Variants in MCTP2 observed in about 807,000 individuals in gnomAD.
MCTP2 encodes multiple C2 and transmembrane domain containing 2.
Under a neutral mutation model 111.6 loss-of-function variants are expected in MCTP2, and 132 were observed. The ratio of observed to expected loss-of-function variants is 1.18; its 90% CI spans 1.03 to 1.37. The LOEUF is 1.37. Ranked by LOEUF, MCTP2 falls within the 40% of genes most tolerant of loss-of-function variation. The pLI is 0.00. For synonymous variants in MCTP2, 395 were observed against 387.7 expected, an observed-to-expected ratio of 1.02 and a Z score of -0.22; for missense variants, 1,183 against 1,067.9, an observed-to-expected ratio of 1.11 and a Z score of -1.50.
At chr15:94,379,175 T>C (rs182438392) in intron 12 of MCTP2, among the ~76,000 whole-genome samples, 1 of 152,118 alleles carries the variant, frequency 6.6e-6, no homozygotes, top group Admixed American at 6.5e-5. Context: ...TGAGCCCTGT[T>C]ACTCTGTGTG....
chr15:94,326,987 T>G (rs1379807608), intron 4 of MCTP2, among the ~76,000 whole-genome samples: 1 of 134,862 alleles, frequency 7.4e-6, no homozygotes, highest in Non-Finnish European at 1.6e-5. Flanking sequence ...AGATATTTGC[T>G]TCTCTGCATA....
chr15:94,406,481 T>C (rs8027043), intron 17 of MCTP2, among the ~76,000 whole-genome samples: 23,771 of 152,188 alleles, frequency 0.16, 2,031 homozygotes, highest in Non-Finnish European at 0.17. Flanking sequence ...TATTTAGATA[T>C]TATGTGTGGG....
chr15:94,263,604 C>T (rs1372972816), intron 1 of MCTP2, among the ~76,000 whole-genome samples: 1 of 152,190 alleles, frequency 6.6e-6, no homozygotes, highest in Non-Finnish European at 1.5e-5. Flanking sequence ...GACAACACTA[C>T]AGCTTTATGC....
intron 19 of MCTP2, among the ~76,000 whole-genome samples, chr15:94,448,313 T>C (rs188371825): frequency 6.6e-6 from 1 of 152,320 alleles, no homozygotes; most frequent in Non-Finnish European, 1.5e-5. Flanking sequence ...TTCTGATTTC[T>C]ATTCTAAGGA....
chr15:94,401,945 A>G lies in MCTP2; in HGVS notation c.2011A>G (p.Ile671Val), dbSNP rs777505645. The G allele has an allele frequency of 6.2e-7, 1 of 1,612,888 alleles. No individual in the cohort carries two copies. Among genetic ancestry groups the G allele is most frequent in the South Asian group, 1.1e-5 (1 of 91,012 alleles). The part of the protein sequence containing the change: ...VDRVKRITMA[I>V]WNTMQFLKSC... The stretch of plus-strand genomic sequence containing the variant: ...CCGTGTGAAAAGAATCACTATGGCA[A>G]TATGGAATACAATGCAGTTCCTTAA... The change falls in exon 17 of 23, where the codon ATA becomes GTA. Residue 671 changes from isoleucine (I) to valine (V), a missense_variant. By Grantham distance (29) the Ile-to-Val change is conservative (BLOSUM62 3). Transcript: ENST00000357742.
intron 17 of MCTP2, among the ~76,000 whole-genome samples, chr15:94,433,529 T>C (rs770796435): frequency 2.6e-5 from 4 of 152,204 alleles, no homozygotes; most frequent in Non-Finnish European, 4.4e-5. Context: ...TTGTTGACAT[T>C]TGGGCCATTT....
rs571310563 is a variant in MCTP2, at chr15:94,235,770, C to T, written c.-66+4106C>T. On this transcript the variant is annotated intron_variant, in intron 1 of 22. Coordinates refer to ENST00000357742, the MANE Select transcript of MCTP2 (RefSeq NM_001385001.1). The stretch of plus-strand genomic sequence containing the variant: ...TCACACAGCTGGAAAGTGGTTCAGC[C>T]GGGATTCAAGCACAGGCTGTCTGGT... Among the ~76,000 whole-genome samples the T allele has an allele frequency of 9.2e-5, 14 of 152,288 alleles. No homozygotes were observed. The South Asian group carries it at 1.2e-3, about 14-fold the overall frequency.
At chr15:94,390,090 G>GTATATA (rs1168909587) in intron 14 of MCTP2, among the ~76,000 whole-genome samples, 6 of 64,924 alleles carry the variant, frequency 9.2e-5, no homozygotes, top group African/African-American at 1.7e-4. Flanking sequence ...ATATATATAT[G>GTATATA]TATATATATA....
chr15:94,377,364 C>A (rs2079835096), intron 12 of MCTP2, among the ~76,000 whole-genome samples: 1 of 152,182 alleles, frequency 6.6e-6, no homozygotes, highest in East Asian at 1.9e-4. Flanking sequence ...TCAAGACCAA[C>A]TTTTGAAAAA....
At chr15:94,431,994 A>C (rs2083209500) in intron 17 of MCTP2, among the ~76,000 whole-genome samples, 1 of 152,124 alleles carries the variant, frequency 6.6e-6, no homozygotes, top group Non-Finnish European at 1.5e-5. Context: ...TTTAAAAGAG[A>C]TTTAGAATCT....
intron 4 of MCTP2, among the ~76,000 whole-genome samples, chr15:94,320,723 T>A (rs2076596162): frequency 6.6e-6 from 1 of 152,190 alleles, no homozygotes; most frequent in South Asian, 2.1e-4. Flanking sequence ...AAAGGATTTA[T>A]ATGATTTCAG....
At chr15:94,238,806 A>G (rs569142169) in intron 1 of MCTP2, among the ~76,000 whole-genome samples, 2 of 152,288 alleles carry the variant, frequency 1.3e-5, no homozygotes, top group African/African-American at 2.4e-5. Flanking sequence ...AAATCAGTGG[A>G]TGGATGCTTT....
At chr15:94,302,243 A>G (rs1026406738) in intron 2 of MCTP2, among the ~76,000 whole-genome samples, 1 of 151,966 alleles carries the variant, frequency 6.6e-6, no homozygotes, top group African/African-American at 2.4e-5. Flanking sequence ...CTTGAAGAGA[A>G]CTCCTTTTGA....
At chr15:94,321,589 T>G (rs1222010727) in intron 4 of MCTP2, among the ~76,000 whole-genome samples, 2 of 152,218 alleles carry the variant, frequency 1.3e-5, no homozygotes, top group African/African-American at 4.8e-5. Flanking sequence ...TCCCCCGTCA[T>G]TGAATTAGAT....
chr15:94,355,816 C>A (rs1278412175), intron 8 of MCTP2: 1 of 621,300 alleles, frequency 1.6e-6, no homozygotes, highest in African/African-American at 2.0e-5. Flanking sequence ...GTCTTTCTTC[C>A]TCTCACACTA....
Position 94,287,607 on chromosome 15 carries a change from CA to C in MCTP2, c.-65-10592del, listed in dbSNP as rs568962925. 1.1e-4 allele frequency among the ~76,000 whole-genome samples: 16 copies of C among 152,312 alleles called. No homozygotes were observed. The South Asian group carries it at 2.9e-3, about 28-fold the overall frequency. ...TGAATAAGTTAGAATAAAAACACTT[CA>C]ACGTTTCTCTTCCACTGAACACAAA... On this transcript the variant is annotated intron_variant, in intron 1 of 22. Coordinates refer to ENST00000357742, the MANE Select transcript of MCTP2 (RefSeq NM_001385001.1).
At chr15:94,390,113 T>TATGTATATATATATATATATATATATAC (rs1567603520) in intron 14 of MCTP2, among the ~76,000 whole-genome samples, 1 of 45,956 alleles carries the variant, frequency 2.2e-5, no homozygotes, top group South Asian at 4.9e-4. Flanking sequence ...TATATATATA[T>TATGTATATATATATATATATATATATAC]GTATATATAT....
At chr15:94,248,595 C>T (rs1298900282) in intron 1 of MCTP2, among the ~76,000 whole-genome samples, 2 of 152,182 alleles carry the variant, frequency 1.3e-5, no homozygotes, top group East Asian at 3.8e-4. Flanking sequence ...CTGTAAATGC[C>T]ACACTGTCCT....
intron 1 of MCTP2, among the ~76,000 whole-genome samples, chr15:94,251,571 C>G (rs2152268246): frequency 6.6e-6 from 1 of 152,158 alleles, no homozygotes; most frequent in African/African-American, 2.4e-5. Context: ...GTCAGTCAGG[C>G]TGGTGTCGAA....
Sources: allele counts gnomAD v4.1 joint callset (sites outside exome capture counted in the v4.1 genomes callset), GRCh38; gene constraint gnomAD v4.1.1; transcripts MANE v1.5; gene names NCBI Gene and HGNC (gene_info 2026-07-23, HGNC 2026-07-21).